BMI1: variants seen among roughly 807,000 people sequenced by gnomAD.
The protein encoded by BMI1 is BMI1 proto-oncogene, polycomb ring finger, also known as polycomb complex protein BMI-1.
In BMI1, 9 loss-of-function variants were observed where a neutral mutation model predicts 39.1. The ratio of observed to expected loss-of-function variants is 0.23; its 90% CI spans 0.14 to 0.40. The LOEUF is 0.40. BMI1 is among the 10% of genes least tolerant of loss of function. The probability of loss-of-function intolerance (pLI) is 1.00; values close to 1 mark genes in which losing one functional copy is unlikely to be tolerated. For synonymous variants in BMI1, 131 were observed against 127.9 expected (o/e 1.02, Z -0.16); for missense variants, 252 against 390.8 (o/e 0.64, Z 2.99).
At chr10:22,328,206 A>G in intron 7 of BMI1, 27 bp downstream of exon 7, 1 of 1,582,150 alleles carries the variant, frequency 6.3e-7, no homozygotes, top group Middle Eastern at 1.7e-4. Context: ...AAAAACATAT[A>G]GAAGAAACAT....
chr10:22,324,047 T>C (rs1426870662), intron 1 of BMI1, among the ~76,000 whole-genome samples: 1 of 152,212 alleles, frequency 6.6e-6, no homozygotes. Flanking sequence ...TAAGATGAAT[T>C]TGAAAGACTT....
At chr10:22,326,210 T>C in intron 1 of BMI1, 1 of 495,816 alleles carries the variant, frequency 2.0e-6, no homozygotes, top group Non-Finnish European at 3.5e-6. Flanking sequence ...CCTACAGGAA[T>C]GATCTGAGAG....
In BMI1 at chr10:22,326,466, G is replaced by A; in HGVS notation, c.17G>A (p.Arg6Lys). 6.2e-7 allele frequency: 1 copy of A among 1,613,844 alleles called. No individual in the cohort carries two copies. Among genetic ancestry groups the A allele is most frequent in the Non-Finnish European group, 8.5e-7 (1 of 1,180,016 alleles). Residue 6 changes from arginine to lysine, a missense_variant, in exon 2 of 10, where the codon AGA becomes AAA. Physicochemically the swap from Arg to Lys is conservative, Grantham distance 26 (BLOSUM62 2). Transcript: ENST00000376663. ...CAAGCAGAAATGCATCGAACAACGA[G>A]AATCAAGATCACTGAGCTAAATCCC... MHRTT[R>K]IKITELNPHL...
At chr10:22,327,688 A>T in intron 4 of BMI1, 38 bp downstream of exon 4, 1 of 1,612,960 alleles carries the variant, frequency 6.2e-7, no homozygotes, top group Non-Finnish European at 8.5e-7. Flanking sequence ...TAAAGAGATT[A>T]TTCATTAGTT....
intron 1 of BMI1, among the ~76,000 whole-genome samples, chr10:22,323,720 G>A (rs1186167486): frequency 1.3e-5 from 2 of 152,224 alleles, no homozygotes; most frequent in African/African-American, 4.8e-5. Context: ...AACTGAGTGT[G>A]TTACAATGGC....
chr10:22,326,103 G>A (rs1836143505), intron 1 of BMI1: 1 of 183,564 alleles, frequency 5.4e-6, no homozygotes, highest in Non-Finnish European at 1.1e-5. Flanking sequence ...ATTGTGTGGC[G>A]TCTGCAGCAG....
rs1836232887 is a variant in BMI1 at position 22,329,241 on chromosome 10, T to C, written c.680T>C (p.Val227Ala). 1 of 1,614,094 alleles carries C rather than the reference T, an allele frequency of 6.2e-7. No homozygotes were observed. Residue 227 changes from valine to alanine, a missense_variant, in exon 10 of 10, where the codon GTT becomes GCT. By Grantham distance (64) the Val-to-Ala change is moderately conservative. This residue lies in a region of BMI1 where 96 missense variants were observed against 120.2 expected (regional missense o/e 0.80). Transcript: ENST00000376663. ...GGTCCACTTCCATTGAAATACAGAG[T>C]TCGACCTACTTGTAAAAGAATGAAG... Reference protein sequence around the residue: ...RNGPLPLKYRVRPTCKRMKIS... With the variant: ...RNGPLPLKYRARPTCKRMKIS...
At chr10:22,326,839 T>A in intron 2 of BMI1, 51 bp from the exon 3 acceptor site, 1 of 1,592,748 alleles carries the variant, frequency 6.3e-7, no homozygotes, top group Non-Finnish European at 8.6e-7. Context: ...ACACCAATGA[T>A]TTATCCACTC....
intron 2 of BMI1, 130 bp downstream of exon 2, chr10:22,326,691 C>T (rs925499134): frequency 2.8e-6 from 4 of 1,427,222 alleles, no homozygotes; most frequent in African/African-American, 2.9e-5. Context: ...ATTTTCTTCT[C>T]TTGCATCTAA....
intron 1 of BMI1, chr10:22,325,730 T>C (rs1366690535): frequency 6.6e-6 from 1 of 151,354 alleles, no homozygotes; most frequent in Non-Finnish European, 1.5e-5. Context: ...AGTGTAAGTG[T>C]AAGTTGCTAT....
rs1019031824 is a variant in BMI1 at position 22,327,462 on chromosome 10, T to G, written c.210-133T>G. ...AACTTTTATTCTCATAGTTTTTATCTTATCAATAATAGTTATAGACAGCAT... is the reference window on the plus strand; with the variant it reads ...AACTTTTATTCTCATAGTTTTTATCGTATCAATAATAGTTATAGACAGCAT... On this transcript the variant is annotated intron_variant, in intron 3 of 9. Transcript: ENST00000376663. The G allele has an allele frequency of 3.3e-6, 3 of 901,708 alleles. No individual in the cohort carries two copies. The African/African-American group carries it at 5.1e-5, about 15-fold the overall frequency. 55.9% of individuals were successfully genotyped at this position (901,708 alleles called of 1,614,324 possible).
chr10:22,329,324 A>T lies in BMI1; in HGVS notation c.763A>T (p.Ser255Cys). ...TGGAGAACTGGAAAGTGACTCTGGG[A>T]GTGACAAGGCCAACAGCCCAGCAGG... ...NAGELESDSGSDKANSPAGGI... is the reference protein window; with the variant it reads ...NAGELESDSGCDKANSPAGGI... Residue 255 changes from serine (S) to cysteine (C), a missense_variant, in exon 10 of 10, where the codon AGT becomes TGT. By Grantham distance (112) the Ser-to-Cys change is moderately radical. Coordinates refer to ENST00000376663, the MANE Select transcript of BMI1 (RefSeq NM_005180.9). 1 of 1,614,212 alleles carries T rather than the reference A, an allele frequency of 6.2e-7. No individual in the cohort carries two copies. Among genetic ancestry groups the T allele is most frequent in the Non-Finnish European group, 8.5e-7 (1 of 1,180,028 alleles).
chr10:22,322,006 C>T (rs1208151695), intron 1 of BMI1: 1 of 147,042 alleles, frequency 6.8e-6, no homozygotes, highest in South Asian at 2.1e-4. Context: ...CCGCTCCAGC[C>T]GCCGCCGCCC....
chr10:22,321,234 T>C lies in BMI1; in HGVS notation c.-482T>C, dbSNP rs1835984243. 6.8e-6 allele frequency: 1 copy of C among 146,154 alleles called. No individual in the cohort carries two copies. The allele number at this position is 146,154 out of a possible 1,614,324, so 9.1% of individuals were successfully genotyped here. ...CACAGCAACTATGAAATAATCGTAG[T>C]ATGAGAGGCAGAGATCGGGGCGAGA... is the stretch of plus-strand genomic sequence containing the variant. On this transcript the variant is annotated 5_prime_UTR_variant, in exon 1 of 10. Coordinates refer to ENST00000376663, the MANE Select transcript of BMI1 (RefSeq NM_005180.9).
chr10:22,325,847 C>T (rs373520803), intron 1 of BMI1: 1 of 152,266 alleles, frequency 6.6e-6, no homozygotes, highest in Middle Eastern at 3.4e-3. Context: ...CGCGCTCAGG[C>T]CCCGGCCCAG....
chr10:22,321,159 C>T lies in BMI1; in HGVS notation c.-557C>T, dbSNP rs201869716. The T allele has an allele frequency of 0.031, 4,645 of 149,314 alleles. 110 individuals are homozygous for T. Among genetic ancestry groups the T allele is most frequent in the Non-Finnish European group, 0.047 (3,154 of 66,762 alleles). 9.2% of individuals were successfully genotyped at this position (149,314 alleles called of 1,614,324 possible). A position where few individuals can be genotyped will look rare whatever the true frequency, so the allele number is the denominator to read the frequency against. Reference sequence around the variant, plus strand: ...CACCCTCCCCTCCCCCTCCTCCCCTCCCCCCGCTCGCACGCACACACACGG... The same window carrying T: ...CACCCTCCCCTCCCCCTCCTCCCCTTCCCCCGCTCGCACGCACACACACGG... On this transcript the variant is annotated 5_prime_UTR_variant, in exon 1 of 10. Coordinates refer to ENST00000376663, the MANE Select transcript of BMI1 (RefSeq NM_005180.9).
At chr10:22,326,611 C>A in intron 2 of BMI1, 50 bp downstream of exon 2, 2 of 1,584,538 alleles carry the variant, frequency 1.3e-6, no homozygotes, top group South Asian at 2.3e-5. Context: ...TTTCACAGTT[C>A]GACCTGGAAT....
intron 4 of BMI1, 43 bp from the exon 5 acceptor site, chr10:22,327,699 C>CT: frequency 6.2e-7 from 1 of 1,612,722 alleles, no homozygotes; most frequent in African/African-American, 1.3e-5. Context: ...TTCATTAGTT[C>CT]TTTGTGTTAT....
Position 22,321,386 on chromosome 10 carries a change from C to T in BMI1, c.-330C>T. On this transcript the variant is annotated 5_prime_UTR_variant, in exon 1 of 10. Coordinates refer to ENST00000376663, the MANE Select transcript of BMI1 (RefSeq NM_005180.9). ...AGTGCGGAGCGGGAGGAGGCGGCGGCGGCCGAGGAGGAGGAGGAGGAGGCC... is the reference window on the plus strand; with the variant it reads ...AGTGCGGAGCGGGAGGAGGCGGCGGTGGCCGAGGAGGAGGAGGAGGAGGCC... The T allele has an allele frequency of 6.3e-6, 1 of 159,970 alleles. No individual in the cohort carries two copies. Among genetic ancestry groups the T allele is most frequent in the Non-Finnish European group, 1.4e-5 (1 of 73,624 alleles). The allele number at this position is 159,970 out of a possible 1,614,324, so 9.9% of individuals were successfully genotyped here.
Sources: allele counts gnomAD v4.1 joint callset (sites outside exome capture counted in the v4.1 genomes callset), GRCh38; gene constraint gnomAD v4.1.1; regional missense constraint gnomAD v4.1.1; transcripts MANE v1.5; gene names NCBI Gene and HGNC (gene_info 2026-07-23, HGNC 2026-07-21).